Variants in TRPC5 observed in about 807,000 individuals in gnomAD.
TRPC5 encodes the protein short transient receptor potential channel 5.
A neutral mutation model predicts 56.5 loss-of-function variants in TRPC5; 9 were observed. The observed-to-expected ratio is 0.16, with a 90% CI of 0.10 to 0.28. The LOEUF (loss-of-function observed/expected upper bound fraction) is 0.28. TRPC5 is among the 10% of genes least tolerant of loss of function. TRPC5 has a pLI of 1.00. For missense variants in TRPC5, 469 were observed against 748.9 expected (o/e 0.63, Z 4.36); for synonymous variants, 282 against 278.5 (o/e 1.01, Z -0.13).
chrX:111,785,492 A>G (rs1945954850), intron 7 of TRPC5, among the ~76,000 whole-genome samples: 1 of 107,721 alleles, frequency 9.3e-6, no homozygotes, highest in South Asian at 3.7e-4. Context: ...TCTAAAAATC[A>G]GAGCGCCTCT....
intron 7 of TRPC5, among the ~76,000 whole-genome samples, chrX:111,806,291 T>C (rs1042555431): frequency 8.9e-6 from 1 of 112,490 alleles, no homozygotes; most frequent in Admixed American, 9.4e-5. Flanking sequence ...GGCAAAGTTA[T>C]GTGCCTCTGG....
intron 7 of TRPC5, among the ~76,000 whole-genome samples, chrX:111,813,335 C>A (rs1165656906): frequency 1.8e-5 from 2 of 112,219 alleles, no homozygotes; most frequent in Non-Finnish European, 3.8e-5. Context: ...GTAGAGCAGG[C>A]CAAGGCTTCT....
chrX:111,986,380 C>G (rs1928211810), intron 1 of TRPC5, among the ~76,000 whole-genome samples: 1 of 105,120 alleles, frequency 9.5e-6, no homozygotes, highest in South Asian at 3.8e-4. Context: ...GGATTTCTGT[C>G]TGTTGACAGA....
chrX:111,786,594 G>A (rs1483322214), intron 7 of TRPC5, among the ~76,000 whole-genome samples: 1 of 110,885 alleles, frequency 9.0e-6, no homozygotes, highest in Non-Finnish European at 1.9e-5. Context: ...TGGGCTAAAT[G>A]CCCCAATTAG....
intron 2 of TRPC5, 44 bp downstream of exon 2, chrX:111,951,999 C>G (rs377195027): frequency 1.7e-6 from 2 of 1,165,835 alleles, no homozygotes; most frequent in African/African-American, 3.6e-5. Flanking sequence ...ACCTGGTGCC[C>G]TGTTGTGCCT....
chrX:111,794,796 A>G (rs1243334003), intron 7 of TRPC5, among the ~76,000 whole-genome samples: 4 of 111,606 alleles, frequency 3.6e-5, no homozygotes, highest in African/African-American at 1.3e-4. Flanking sequence ...ATTCCATTCA[A>G]GAAGACTGTG....
At chrX:111,876,576 AC>A (rs1303052417) in intron 3 of TRPC5, among the ~76,000 whole-genome samples, 3 of 111,760 alleles carry the variant, frequency 2.7e-5, no homozygotes, top group African/African-American at 9.8e-5. Context: ...GAGTAGGGCC[AC>A]AGATCAGTTA....
chrX:111,821,952 T>G (rs1922045818), intron 7 of TRPC5, among the ~76,000 whole-genome samples: 1 of 111,606 alleles, frequency 9.0e-6, no homozygotes, highest in African/African-American at 3.3e-5. Context: ...TTCAGAGTGT[T>G]GTGGACAGTG....
chrX:111,788,532 G>A (rs11798330), intron 7 of TRPC5, among the ~76,000 whole-genome samples: 2,506 of 111,534 alleles, frequency 0.022, 30 homozygotes, highest in Non-Finnish European at 0.032. Context: ...CTCACCACTC[G>A]TATTCAACAT....
intron 1 of TRPC5, among the ~76,000 whole-genome samples, chrX:112,029,108 C>T (rs1173489038): frequency 1.8e-5 from 2 of 111,199 alleles, no homozygotes; most frequent in Non-Finnish European, 3.8e-5. Context: ...TCTTTTTGTG[C>T]CAATTAACCA....
intron 5 of TRPC5, among the ~76,000 whole-genome samples, chrX:111,850,595 C>T (rs5943210): frequency 9.0e-6 from 1 of 111,679 alleles, no homozygotes; most frequent in Non-Finnish European, 1.9e-5. Context: ...TTGCATGTGG[C>T]CTGTCTTGCT....
At chrX:111,921,733 G>A (rs190789330) in intron 2 of TRPC5, among the ~76,000 whole-genome samples, 33 of 111,776 alleles carry the variant, frequency 3.0e-4, no homozygotes, top group South Asian at 2.7e-3. Flanking sequence ...CAACCAACTC[G>A]ATTGAATTTT....
intron 3 of TRPC5, among the ~76,000 whole-genome samples, chrX:111,895,517 T>A (rs1013939076): frequency 9.0e-6 from 1 of 111,645 alleles, no homozygotes; most frequent in Non-Finnish European, 1.9e-5. Flanking sequence ...AATTAATTAA[T>A]CTTTTCTTTC....
chrX:111,906,051 C>T (rs1418066785), intron 3 of TRPC5, among the ~76,000 whole-genome samples: 3 of 109,938 alleles, frequency 2.7e-5, no homozygotes, highest in Non-Finnish European at 5.7e-5. Context: ...TCAGATTCCT[C>T]TAATCAAAGA....
At chrX:111,838,102 A>G (rs867468948) in intron 6 of TRPC5, among the ~76,000 whole-genome samples, 6 of 100,499 alleles carry the variant, frequency 6.0e-5, no homozygotes, top group Non-Finnish European at 9.5e-5. Context: ...AATAAATAAT[A>G]AACAAACAAA....
At chrX:111,988,729 A>G (rs1928275671) in intron 1 of TRPC5, among the ~76,000 whole-genome samples, 1 of 111,163 alleles carries the variant, frequency 9.0e-6, no homozygotes, top group African/African-American at 3.3e-5. Flanking sequence ...CCTACTGTCC[A>G]ATGTCCTTTA....
intron 7 of TRPC5, among the ~76,000 whole-genome samples, chrX:111,831,307 A>G (rs1484955336): frequency 4.5e-5 from 5 of 112,335 alleles, no homozygotes; most frequent in Non-Finnish European, 7.5e-5. Context: ...AGTCCTGCTG[A>G]TAGAGAGTTA....
intron 3 of TRPC5, among the ~76,000 whole-genome samples, chrX:111,881,661 A>G (rs1031065114): frequency 9.2e-6 from 1 of 109,145 alleles, no homozygotes; most frequent in African/African-American, 3.4e-5. Context: ...CTATAAATAC[A>G]TCTGGTTGCA....
chrX:111,984,749 TA>T (rs1222640963), intron 1 of TRPC5, among the ~76,000 whole-genome samples: 1 of 112,371 alleles, frequency 8.9e-6, no homozygotes, highest in Non-Finnish European at 1.9e-5. Context: ...TATTATGACA[TA>T]GGGGTGAACA....
Sources: gnomAD v4.1 joint callset for allele counts (sites outside exome capture counted in the v4.1 genomes callset) on GRCh38, gnomAD v4.1.1 for gene constraint, MANE v1.5 for transcripts, NCBI Gene and HGNC (gene_info 2026-07-23, HGNC 2026-07-21) for gene names.